GPC5: variants seen among roughly 807,000 people sequenced by gnomAD.
GPC5 encodes glypican 5.
A neutral mutation model predicts 53.9 loss-of-function variants in GPC5; 47 were observed. The observed-to-expected ratio is 0.87, with a 90% CI of 0.69 to 1.11. GPC5 has a LOEUF of 1.11. Ranked by LOEUF, GPC5 falls within the 50% of genes most tolerant of loss-of-function variation. GPC5 has a pLI of 0.00. For synonymous variants in GPC5, 286 were observed against 263.3 expected, an observed-to-expected ratio of 1.09 and a Z score of -0.84; for missense variants, 748 against 713.1, an observed-to-expected ratio of 1.05 and a Z score of -0.56.
In GPC5 at chr13:92,144,997, T is replaced by C. The variant is rs752982353; in HGVS notation, c.1561+8T>C. On this transcript the variant is annotated splice_region_variant and intron_variant, in intron 7 of 7. Coordinates refer to ENST00000377067, the MANE Select transcript of GPC5 (RefSeq NM_004466.6). ...CACTGAAGATCACAGACTGTAAGTG[T>C]ATGATTCTAACACCACTTTTTTAAA... 1 of 1,419,594 alleles carries C rather than the reference T, an allele frequency of 7.0e-7. No individual in the cohort carries two copies. Among genetic ancestry groups the C allele is most frequent in the Non-Finnish European group, 9.2e-7 (1 of 1,082,668 alleles). The allele number at this position is 1,419,594 out of a possible 1,614,324, so 87.9% of individuals were successfully genotyped here.
chr13:92,671,211 T>TA (rs1010354277), intron 7 of GPC5, among the ~76,000 whole-genome samples: 17 of 151,864 alleles, frequency 1.1e-4, no homozygotes, highest in East Asian at 3.9e-4. Context: ...GAGTTCTCTG[T>TA]AAAAAAAACA....
At chr13:92,526,621 A>G (rs1439796771) in intron 7 of GPC5, among the ~76,000 whole-genome samples, 2 of 151,916 alleles carry the variant, frequency 1.3e-5, no homozygotes, top group African/African-American at 2.4e-5. Context: ...ACCTAATCAG[A>G]CCTTTTAGCC....
intron 7 of GPC5, among the ~76,000 whole-genome samples, chr13:92,441,913 G>A (rs899541513): frequency 2.0e-4 from 30 of 152,134 alleles, no homozygotes; most frequent in African/African-American, 7.2e-4. Context: ...CAAAGCCAGA[G>A]GCATCACAAA....
intron 7 of GPC5, among the ~76,000 whole-genome samples, chr13:92,188,051 C>T (rs1345922951): frequency 6.6e-6 from 1 of 151,458 alleles, no homozygotes; most frequent in Non-Finnish European, 1.5e-5. Context: ...CCTACTTTGG[C>T]TTTTTTTTTC....
rs558338439 is a variant in GPC5, at chr13:91,652,096, T to A, written c.326-41091T>A. ...TTGTCTCTCCTTATCTGCAAATAGG[T>A]TCCAAGACTCCTAGTGGATGCCTGA... On this transcript the variant is annotated intron_variant, in intron 2 of 7. Transcript: ENST00000377067. Among the ~76,000 whole-genome samples the A allele has an allele frequency of 3.9e-5, 6 of 152,268 alleles. No homozygotes were observed. The East Asian group carries it at 7.7e-4, about 20-fold the overall frequency.
intron 7 of GPC5, among the ~76,000 whole-genome samples, chr13:92,692,134 T>C (rs1413873157): frequency 2.0e-5 from 3 of 152,160 alleles, no homozygotes; most frequent in Admixed American, 2.0e-4. Flanking sequence ...TGTATTTATC[T>C]ATCTGTTTCT....
intron 2 of GPC5, among the ~76,000 whole-genome samples, chr13:91,647,852 T>A (rs1202926381): frequency 6.6e-6 from 1 of 152,192 alleles, no homozygotes; most frequent in African/African-American, 2.4e-5. Flanking sequence ...CATCTTGGCA[T>A]CTGTTTCCTA....
intron 5 of GPC5, among the ~76,000 whole-genome samples, chr13:91,771,725 C>T (rs1463948230): frequency 2.0e-5 from 3 of 150,724 alleles, no homozygotes; most frequent in Admixed American, 6.6e-5. Context: ...AGTTGTTTTC[C>T]GAAAAAGGAA....
chr13:92,262,938 G>A (rs563022118), intron 7 of GPC5, among the ~76,000 whole-genome samples: 54 of 151,904 alleles, frequency 3.6e-4, no homozygotes, highest in African/African-American at 1.2e-3. Flanking sequence ...TTTTTATCCC[G>A]GTATTACTCT....
intron 7 of GPC5, among the ~76,000 whole-genome samples, chr13:92,811,245 C>G (rs1485092161): frequency 6.6e-6 from 1 of 151,814 alleles, no homozygotes; most frequent in Non-Finnish European, 1.5e-5. Flanking sequence ...AGTGTGATTG[C>G]TGAAATTGTT....
chr13:91,635,680 C>T (rs1479464222), intron 2 of GPC5, among the ~76,000 whole-genome samples: 1 of 151,870 alleles, frequency 6.6e-6, no homozygotes, highest in African/African-American at 2.4e-5. Context: ...TTATATTTTC[C>T]AAGAAGATAA....
intron 7 of GPC5, among the ~76,000 whole-genome samples, chr13:92,707,226 G>A (rs1887982237): frequency 6.6e-6 from 1 of 152,126 alleles, no homozygotes; most frequent in African/African-American, 2.4e-5. Context: ...TGTACATTCA[G>A]TCTCCTTATT....
At position 91,623,141 on chromosome 13, in the gene GPC5, A is replaced by T. The variant is rs545438362; in HGVS notation, c.326-70046A>T. 5.1e-4 allele frequency among the ~76,000 whole-genome samples: 78 copies of T among 152,218 alleles called. 1 individual carries two copies. Among genetic ancestry groups the T allele is most frequent in the Middle Eastern group, 3.4e-3 (1 of 294 alleles). On this transcript the variant is annotated intron_variant, in intron 2 of 7. Transcript: ENST00000377067. ...CATCTATACCTAAATGGATAATAAT[A>T]GGGGGAAAGGAATAGCTATTATTTT...
chr13:91,887,355 C>T (rs2039335205), intron 5 of GPC5, among the ~76,000 whole-genome samples: 1 of 152,154 alleles, frequency 6.6e-6, no homozygotes. Context: ...ACATTTTTTC[C>T]TCCTAGGCTT....
chr13:92,617,005 GCGACCATTACTTC>G, intron 7 of GPC5, among the ~76,000 whole-genome samples: 6 of 152,082 alleles, frequency 3.9e-5, no homozygotes, highest in African/African-American at 1.4e-4. Flanking sequence ...ATATTAAAAA[GCGACCATTACTTC>G]AAATGTTGTG....
intron 7 of GPC5, among the ~76,000 whole-genome samples, chr13:92,523,108 A>G (rs759067695): frequency 6.6e-6 from 1 of 152,166 alleles, no homozygotes; most frequent in Non-Finnish European, 1.5e-5. Flanking sequence ...CGTAATTAAA[A>G]CAAGACTTCT....
intron 5 of GPC5, among the ~76,000 whole-genome samples, chr13:91,782,778 A>G (rs2037818125): frequency 6.6e-6 from 1 of 152,208 alleles, no homozygotes; most frequent in South Asian, 2.1e-4. Flanking sequence ...AAACTGCAAC[A>G]CAGATAAATA....
At position 91,758,733 on chromosome 13, in the gene GPC5, GC is replaced by G. The variant is rs534703875; in HGVS notation, c.1280+2314del. Among the ~76,000 whole-genome samples, 376 of 152,236 alleles carry G rather than the reference GC, an allele frequency of 2.5e-3. 3 individuals are homozygous for G. The highest frequency in any genetic ancestry group is 8.6e-3 in the African/African-American group (358 of 41,550). ...TTCTTAGTATTCCCATTTGCTTCCAGCTAATGCCTTCCCTTTCCTGTACCAC... is the reference window on the plus strand; with the variant it reads ...TTCTTAGTATTCCCATTTGCTTCCAGTAATGCCTTCCCTTTCCTGTACCAC... On this transcript the variant is annotated intron_variant, in intron 5 of 7. Transcript: ENST00000377067.
chr13:92,420,296 A>G (rs1235594887), intron 7 of GPC5, among the ~76,000 whole-genome samples: 1 of 152,124 alleles, frequency 6.6e-6, no homozygotes, highest in Non-Finnish European at 1.5e-5. Context: ...TATTTTAAGT[A>G]TTCTTCTAAG....
Sources: gnomAD v4.1 joint callset for allele counts (sites outside exome capture counted in the v4.1 genomes callset) on GRCh38, gnomAD v4.1.1 for gene constraint, MANE v1.5 for transcripts, NCBI Gene and HGNC (gene_info 2026-07-23, HGNC 2026-07-21) for gene names.